The following PGCKA1 variants were observed in gnomAD, a reference collection of about 807,000 sequenced individuals.
PGCKA1 encodes the protein PDCD10 and GCKIII kinases associated 1.
At chr4:37,569,354 C>T in the PGCKA1 span, among the ~76,000 whole-genome samples, 2 of 151,868 alleles carry the variant, frequency 1.3e-5, no homozygotes, top group Non-Finnish European at 2.9e-5. Context: ...CCTGCCACCA[C>T]GCCCAGCTAA....
At chr4:37,474,037 G>T in the PGCKA1 span, among the ~76,000 whole-genome samples, 1 of 152,122 alleles carries the variant, frequency 6.6e-6, no homozygotes, top group Middle Eastern at 3.2e-3. Flanking sequence ...CTAGGGCAAA[G>T]ACTGGCTTGG....
chr4:37,468,773 T>C, the PGCKA1 span, among the ~76,000 whole-genome samples: 5 of 152,260 alleles, frequency 3.3e-5, no homozygotes, highest in Admixed American at 6.5e-5. Context: ...TGTGTAAGAT[T>C]CAGTTCTAAA....
the PGCKA1 span, among the ~76,000 whole-genome samples, chr4:37,537,692 C>T: frequency 6.6e-6 from 1 of 152,164 alleles, no homozygotes; most frequent in African/African-American, 2.4e-5. Context: ...CTTCCTGTGT[C>T]TCACATTCCC....
chr4:37,571,040 C>A, the PGCKA1 span, among the ~76,000 whole-genome samples: 6 of 152,192 alleles, frequency 3.9e-5, no homozygotes, highest in Non-Finnish European at 8.8e-5. Flanking sequence ...ACGTGTCATT[C>A]AGCGCCATTC....
the PGCKA1 span, among the ~76,000 whole-genome samples, chr4:37,535,366 T>C: frequency 1.3e-5 from 2 of 152,186 alleles, no homozygotes; most frequent in Non-Finnish European, 2.9e-5. Context: ...GCAAACTGGG[T>C]GACAGAGTGA....
At chr4:37,549,715 T>G in the PGCKA1 span, among the ~76,000 whole-genome samples, 3 of 152,172 alleles carry the variant, frequency 2.0e-5, no homozygotes, top group Non-Finnish European at 4.4e-5. Flanking sequence ...CATAACTGTT[T>G]AGAGGTGTTG....
the PGCKA1 span, among the ~76,000 whole-genome samples, chr4:37,527,785 G>A: frequency 4.0e-5 from 6 of 150,708 alleles, no homozygotes; most frequent in Middle Eastern, 3.5e-3. Context: ...AGCCGAGATC[G>A]CACCACTGCG....
chr4:37,480,995 A>G, the PGCKA1 span, among the ~76,000 whole-genome samples: 40 of 152,348 alleles, frequency 2.6e-4, 1 homozygote, highest in East Asian at 4.8e-3. Flanking sequence ...TGTGCACGTC[A>G]GCACATTAAA....
chr4:37,569,962 A>G, the PGCKA1 span, among the ~76,000 whole-genome samples: 1 of 149,920 alleles, frequency 6.7e-6, no homozygotes, highest in African/African-American at 2.4e-5. Flanking sequence ...GCTGATAACA[A>G]AAGTCTGCAT....
At chr4:37,590,032 G>GT in the PGCKA1 span, 1 of 1,280,472 alleles carries the variant, frequency 7.8e-7, no homozygotes, top group Non-Finnish European at 1.1e-6. Context: ...AGGGCCTGTG[G>GT]TAAAAAGCAT....
chr4:37,573,169 T>A, the PGCKA1 span, among the ~76,000 whole-genome samples: 1 of 152,222 alleles, frequency 6.6e-6, no homozygotes, highest in Non-Finnish European at 1.5e-5. Context: ...GTTTGCATTT[T>A]TTGAAATGAC....
chr4:37,590,319 C>G, the PGCKA1 span: 10 of 1,613,648 alleles, frequency 6.2e-6, no homozygotes, highest in South Asian at 6.6e-5. Context: ...CACAGGGGGA[C>G]GCTGGAGGGG....
At chr4:37,465,618 C>T in the PGCKA1 span, among the ~76,000 whole-genome samples, 3 of 152,100 alleles carry the variant, frequency 2.0e-5, no homozygotes, top group Non-Finnish European at 4.4e-5. Context: ...TGCTAAAAAC[C>T]AACCTCAGCT....
At chr4:37,493,022 G>A in the PGCKA1 span, among the ~76,000 whole-genome samples, 1 of 152,098 alleles carries the variant, frequency 6.6e-6, no homozygotes, top group African/African-American at 2.4e-5. Flanking sequence ...ATGTGTGTGT[G>A]TATGTGTGTA....
At chr4:37,546,384 T>G in the PGCKA1 span, among the ~76,000 whole-genome samples, 1 of 152,202 alleles carries the variant, frequency 6.6e-6, no homozygotes, top group Admixed American at 6.5e-5. Context: ...TACCCATAGA[T>G]TTCAGGCATT....
the PGCKA1 span, among the ~76,000 whole-genome samples, chr4:37,533,056 A>G: frequency 2.6e-5 from 4 of 152,222 alleles, no homozygotes; most frequent in Non-Finnish European, 5.9e-5. Flanking sequence ...CTCACAAATC[A>G]TCTGGTATGT....
chr4:37,569,332 A>G, the PGCKA1 span, among the ~76,000 whole-genome samples: 36,967 of 151,516 alleles, frequency 0.24, 4,565 homozygotes, highest in South Asian at 0.35. Context: ...TGAGTAGCTG[A>G]GATTACAAGC....
chr4:37,479,169 G>A, the PGCKA1 span, among the ~76,000 whole-genome samples: 1 of 152,080 alleles, frequency 6.6e-6, no homozygotes, highest in East Asian at 1.9e-4. Context: ...GTCTTTTCTG[G>A]GTTTGAAAGT....
the PGCKA1 span, among the ~76,000 whole-genome samples, chr4:37,567,776 G>A: frequency 6.6e-6 from 1 of 152,106 alleles, no homozygotes; most frequent in African/African-American, 2.4e-5. Context: ...ACCCAGTGGA[G>A]CCATCGTGAA....
Sources: gnomAD v4.1 joint callset for allele counts (sites outside exome capture counted in the v4.1 genomes callset) on GRCh38, gnomAD v4.1.1 for gene constraint, MANE v1.5 for transcripts, NCBI Gene and HGNC (gene_info 2026-07-23, HGNC 2026-07-21) for gene names.